Variants in TCF25 observed in about 807,000 individuals in gnomAD.
The protein encoded by TCF25 is ribosome quality control complex subunit TCF25.
In TCF25, 41 loss-of-function variants were observed where a neutral mutation model predicts 83.1. The observed-to-expected ratio is 0.49, with a 90% CI of 0.38 to 0.64. TCF25 has a LOEUF of 0.64. Ranked by LOEUF, TCF25 falls within the 30% of genes least tolerant of loss-of-function variation. TCF25 has a pLI of 0.00. For synonymous variants in TCF25, 458 were observed against 365.0 expected, an observed-to-expected ratio of 1.25 and a Z score of -2.90; for missense variants, 979 against 914.5, an observed-to-expected ratio of 1.07 and a Z score of -0.91.
At position 89,873,802 on chromosome 16, in the gene TCF25, C is replaced by T; in HGVS notation, c.135C>T (p.Val45=). ...EEEGPKRELG[V]RRPGGAGKEG... The stretch of plus-strand genomic sequence containing the variant: ...AAGGGCCCAAGCGGGAGCTTGGTGT[C>T]CGGCGTCCCGGGGGCGCAGGGAAGG... Residue 45 remains valine (V), a synonymous_variant, in exon 1 of 18, where the codon GTC becomes GTT. Coordinates refer to ENST00000263346, the MANE Select transcript of TCF25 (RefSeq NM_014972.3). The T allele has an allele frequency of 6.3e-7, 1 of 1,599,924 alleles. No individual in the cohort carries two copies. The highest frequency in any genetic ancestry group is 1.1e-5 in the South Asian group (1 of 89,392).
At chr16:89,879,199 C>T (rs12924855) in intron 1 of TCF25, among the ~76,000 whole-genome samples, 7 of 150,218 alleles carry the variant, frequency 4.7e-5, no homozygotes, top group African/African-American at 7.4e-5. Flanking sequence ...CCCGTGCTGT[C>T]CGTGTACACA....
chr16:89,883,867 G>A (rs944320514), intron 2 of TCF25: 32 of 221,608 alleles, frequency 1.4e-4, no homozygotes, highest in African/African-American at 4.1e-4. Context: ...ACTGTGCCCC[G>A]AACGTTTGCT....
chr16:89,910,377 T>TC, intron 16 of TCF25: 1 of 596,602 alleles, frequency 1.7e-6, no homozygotes, highest in South Asian at 2.0e-5. Flanking sequence ...CTCATCCTGT[T>TC]CCCGCTGTCC....
chr16:89,904,802 C>A, intron 13 of TCF25, 136 bp from the exon 14 acceptor site: 1 of 1,094,440 alleles, frequency 9.1e-7, no homozygotes, highest in Non-Finnish European at 1.3e-6. Flanking sequence ...AGGCCAGCAG[C>A]CCAGGGGCCT....
chr16:89,907,499 C>CAG (rs1455672641), intron 16 of TCF25, among the ~76,000 whole-genome samples, 177 bp downstream of exon 16: 2 of 135,588 alleles, frequency 1.5e-5, no homozygotes, highest in African/African-American at 6.0e-5. Context: ...TCCCACCTCC[C>CAG]TCCTCCCACC....
intron 5 of TCF25, chr16:89,890,666 TC>T (rs1324287439): frequency 1.3e-5 from 2 of 152,196 alleles, no homozygotes; most frequent in African/African-American, 4.8e-5. Flanking sequence ...AGCTGAGGGT[TC>T]CACCTCGTCC....
At chr16:89,883,320 G>A (rs369641098) in intron 1 of TCF25, 31 bp from the exon 2 acceptor site, 13 of 1,609,002 alleles carry the variant, frequency 8.1e-6, no homozygotes, top group East Asian at 4.5e-5. Flanking sequence ...TGTAAGTAAC[G>A]CCCTGGCTCT....
intron 1 of TCF25, among the ~76,000 whole-genome samples, chr16:89,882,867 G>A (rs980507005): frequency 6.6e-6 from 1 of 152,210 alleles, no homozygotes; most frequent in East Asian, 1.9e-4. Context: ...GATCACAGGC[G>A]CGAGCACCTC....
intron 12 of TCF25, among the ~76,000 whole-genome samples, chr16:89,902,773 C>A (rs955851708): frequency 1.3e-5 from 2 of 152,022 alleles, no homozygotes; most frequent in Non-Finnish European, 2.9e-5. Flanking sequence ...AGACGGGCCT[C>A]CTCCGAGGGG....
chr16:89,883,574 G>T, intron 2 of TCF25, 62 bp downstream of exon 2: 2 of 1,510,436 alleles, frequency 1.3e-6, no homozygotes, highest in Admixed American at 2.1e-5. Context: ...ACCCAGCCAC[G>T]TGTATCCTGT....
chr16:89,893,813 C>T lies in TCF25; in HGVS notation c.783C>T (p.His261=), dbSNP rs2043612139. The T allele has an allele frequency of 6.2e-7, 1 of 1,612,326 alleles. No individual in the cohort carries two copies. Residue 261 remains histidine (H), a synonymous_variant, in exon 7 of 18, where the codon CAC becomes CAT. Transcript: ENST00000263346. The part of the protein sequence containing the change: ...EHSEEYQQAQ[H]KFLVAVESME... ...GTGAGGAGTACCAGCAGGCTCAGCA[C>T]AAGTTCCTGGTGGCCGTGGAGTCTA...
chr16:89,881,725 A>G (rs1012675148), intron 1 of TCF25, among the ~76,000 whole-genome samples: 3 of 150,784 alleles, frequency 2.0e-5, no homozygotes, highest in South Asian at 2.1e-4. Context: ...GATTATAGGC[A>G]TGAGCCACCA....
intron 12 of TCF25, among the ~76,000 whole-genome samples, chr16:89,902,699 A>G (rs1446938711): frequency 3.7e-5 from 5 of 133,774 alleles, no homozygotes; most frequent in Non-Finnish European, 6.6e-5. Flanking sequence ...AAAAAAAAAG[A>G]AAAAAAAAAA....
At chr16:89,909,371 C>T (rs562221072) in intron 16 of TCF25, 18 of 335,032 alleles carry the variant, frequency 5.4e-5, no homozygotes, top group South Asian at 2.2e-4. Context: ...ATTAGCTGGG[C>T]GTGGTGCCGC....
At position 89,910,678 on chromosome 16, in the gene TCF25, TCCCAGCC is replaced by T. The variant is rs767516786; in HGVS notation, c.1872+18_1872+24del. 5.0e-6 allele frequency: 8 copies of T among 1,612,928 alleles called. No homozygotes were observed. The highest frequency in any genetic ancestry group is 8.5e-7 in the Non-Finnish European group (1 of 1,179,764). On this transcript the variant is annotated intron_variant, in intron 17 of 17. Coordinates refer to ENST00000263346, the MANE Select transcript of TCF25 (RefSeq NM_014972.3). The stretch of plus-strand genomic sequence containing the variant: ...ATACCATGGAGGTAGGTTGAGCTCG[TCCCAGCC>T]CCTGCCTCCCCAGTGGGTGCGGGCA...
intron 1 of TCF25, among the ~76,000 whole-genome samples, chr16:89,874,170 G>A (rs13333746): frequency 0.043 from 6,558 of 151,880 alleles, 433 homozygotes; most frequent in African/African-American, 0.14. Context: ...GGTTAAGCGG[G>A]GTCCGGGTTG....
intron 1 of TCF25, among the ~76,000 whole-genome samples, chr16:89,875,998 T>TC (rs35149180): frequency 6.6e-5 from 10 of 151,658 alleles, no homozygotes; most frequent in Non-Finnish European, 1.0e-4. Flanking sequence ...GCTTTTTTTT[T>TC]CCCATTTAAA....
At chr16:89,897,765 G>A (rs1021141373) in intron 9 of TCF25, among the ~76,000 whole-genome samples, 1 of 152,186 alleles carries the variant, frequency 6.6e-6, no homozygotes, top group Non-Finnish European at 1.5e-5. Context: ...GATCGTAATT[G>A]TAACAAGAGA....
chr16:89,887,668 A>T lies in TCF25; in HGVS notation c.565A>T (p.Thr189Ser). 6.3e-7 allele frequency: 1 copy of T among 1,591,290 alleles called. No individual in the cohort carries two copies. Among genetic ancestry groups the T allele is most frequent in the Non-Finnish European group, 8.5e-7 (1 of 1,173,238 alleles). ...YVEHRHLNPDTELKRYFGARA... is the reference protein window; with the variant it reads ...YVEHRHLNPDSELKRYFGARA... ...ATTCCCCAGACACTTGAATCCAGAC[A>T]CAGAACTGAAAAGGTATTTTGGTGC... is the stretch of plus-strand genomic sequence containing the variant. Residue 189 changes from threonine to serine, a missense_variant, in exon 5 of 18, where the codon ACA (threonine) becomes TCA (serine). Coordinates refer to ENST00000263346, the MANE Select transcript of TCF25 (RefSeq NM_014972.3).
Sources: gnomAD v4.1 joint callset for allele counts (sites outside exome capture counted in the v4.1 genomes callset) on GRCh38, gnomAD v4.1.1 for gene constraint, MANE v1.5 for transcripts, NCBI Gene and HGNC (gene_info 2026-07-23, HGNC 2026-07-21) for gene names.